NRG3: variants seen among roughly 807,000 people sequenced by gnomAD.
NRG3 encodes the protein neuregulin 3.
NRG3 carries 31 observed loss-of-function variants against 66.9 expected under a neutral mutation model. That is an observed-to-expected ratio of 0.46 (90% CI 0.35 to 0.63). NRG3 has a LOEUF of 0.63. Among genes scored for constraint, NRG3 ranks in the 20% least tolerant of loss-of-function variants. The pLI is 0.00. For missense variants in NRG3, 910 were observed against 878.9 expected, an observed-to-expected ratio of 1.04 and a Z score of -0.45; for synonymous variants, 393 against 359.4, an observed-to-expected ratio of 1.09 and a Z score of -1.06.
intron 1 of NRG3, among the ~76,000 whole-genome samples, chr10:82,159,391 G>T (rs367818602): frequency 6.6e-6 from 1 of 151,634 alleles, no homozygotes; most frequent in Non-Finnish European, 1.5e-5. Context: ...TGGTTTTCAA[G>T]TCTCTAAAAA....
At chr10:81,975,783 C>G (rs2060103420) in intron 1 of NRG3, among the ~76,000 whole-genome samples, 1 of 152,106 alleles carries the variant, frequency 6.6e-6, no homozygotes, top group African/African-American at 2.4e-5. Flanking sequence ...TATTTAAGGT[C>G]ACTAATCAGC....
At chr10:81,915,750 A>G (rs999634610) in intron 1 of NRG3, among the ~76,000 whole-genome samples, 2 of 152,096 alleles carry the variant, frequency 1.3e-5, no homozygotes, top group African/African-American at 4.8e-5. Flanking sequence ...CTCGATGAGA[A>G]TGCAGGTTTA....
chr10:82,968,182 G>A (rs1191207251), intron 6 of NRG3, among the ~76,000 whole-genome samples: 2 of 152,136 alleles, frequency 1.3e-5, no homozygotes, highest in Admixed American at 6.5e-5. Flanking sequence ...AACCACAGAA[G>A]CTATCTGAAT....
At chr10:82,594,714 T>G (rs1291284428) in intron 2 of NRG3, among the ~76,000 whole-genome samples, 1 of 152,148 alleles carries the variant, frequency 6.6e-6, no homozygotes, top group Admixed American at 6.5e-5. Context: ...TGTAGCCTCT[T>G]GCCTCTTTCT....
At chr10:82,385,007 A>G (rs1188358213) in intron 2 of NRG3, among the ~76,000 whole-genome samples, 1 of 152,210 alleles carries the variant, frequency 6.6e-6, no homozygotes, top group Admixed American at 6.5e-5. Context: ...TAATAAAACC[A>G]TTCTAACTGG....
At chr10:82,910,579 G>A (rs1453386556) in intron 4 of NRG3, among the ~76,000 whole-genome samples, 1 of 152,198 alleles carries the variant, frequency 6.6e-6, no homozygotes, top group Admixed American at 6.5e-5. Flanking sequence ...TTGTACCAGT[G>A]GCTTATGCTC....
chr10:82,023,138 C>T (rs1226940781), intron 1 of NRG3, among the ~76,000 whole-genome samples: 1 of 151,402 alleles, frequency 6.6e-6, no homozygotes, highest in Non-Finnish European at 1.5e-5. Flanking sequence ...AATGTGATTG[C>T]TCTCTTGATT....
At chr10:82,710,780 A>AAT (rs1471433923) in intron 2 of NRG3, among the ~76,000 whole-genome samples, 1 of 151,204 alleles carries the variant, frequency 6.6e-6, no homozygotes, top group Non-Finnish European at 1.5e-5. Flanking sequence ...TTTACCTGTT[A>AAT]ATGGCCTTTG....
chr10:82,282,999 C>G (rs1889896), intron 1 of NRG3, among the ~76,000 whole-genome samples: 5 of 151,756 alleles, frequency 3.3e-5, no homozygotes, highest in Non-Finnish European at 7.4e-5. Flanking sequence ...GGTTTCCAAA[C>G]GTTCACTAAT....
chr10:82,671,492 T>C (rs1014555012), intron 2 of NRG3, among the ~76,000 whole-genome samples: 3 of 152,198 alleles, frequency 2.0e-5, no homozygotes, highest in African/African-American at 7.2e-5. Flanking sequence ...ACTCTGAAGA[T>C]ATATGGAGCA....
intron 4 of NRG3, among the ~76,000 whole-genome samples, chr10:82,928,625 T>TAAA (rs4034738): frequency 4.1e-4 from 62 of 150,170 alleles, no homozygotes; most frequent in Admixed American, 1.8e-3. Flanking sequence ...TTTTTTTTTT[T>TAAA]AAAAGTAAAT....
intron 1 of NRG3, among the ~76,000 whole-genome samples, chr10:82,329,915 C>T (rs1206317788): frequency 1.3e-5 from 2 of 152,196 alleles, no homozygotes; most frequent in Non-Finnish European, 2.9e-5. Context: ...AGCTATGGAC[C>T]ATGGCTACCA....
chr10:82,000,368 T>C (rs561980323), intron 1 of NRG3, among the ~76,000 whole-genome samples: 39 of 152,332 alleles, frequency 2.6e-4, no homozygotes, highest in Middle Eastern at 3.4e-3. Context: ...TGCTTTTTTT[T>C]TTCCTTCTTG....
intron 1 of NRG3, among the ~76,000 whole-genome samples, chr10:82,155,665 A>G (rs2071135469): frequency 6.6e-6 from 1 of 151,856 alleles, no homozygotes; most frequent in Non-Finnish European, 1.5e-5. Context: ...AGACTTCAGT[A>G]GAGCAGCATT....
At chr10:82,310,776 T>G (rs1235855912) in intron 1 of NRG3, among the ~76,000 whole-genome samples, 1 of 152,140 alleles carries the variant, frequency 6.6e-6, no homozygotes, top group Non-Finnish European at 1.5e-5. Flanking sequence ...AATAAAAAAT[T>G]CAGTCTTGCT....
At chr10:81,988,596 G>T (rs1281936245) in intron 1 of NRG3, among the ~76,000 whole-genome samples, 1 of 152,058 alleles carries the variant, frequency 6.6e-6, no homozygotes, top group Non-Finnish European at 1.5e-5. Flanking sequence ...TGAGAGTCAG[G>T]GTGCCTAGAG....
At chr10:81,894,719 A>T (rs1027456893) in intron 1 of NRG3, among the ~76,000 whole-genome samples, 2 of 152,024 alleles carry the variant, frequency 1.3e-5, no homozygotes, top group African/African-American at 4.8e-5. Flanking sequence ...CCCCGCTGCT[A>T]CCCCACATCC....
chr10:82,109,237 C>G (rs2067234008), intron 1 of NRG3, among the ~76,000 whole-genome samples: 1 of 152,126 alleles, frequency 6.6e-6, no homozygotes, highest in African/African-American at 2.4e-5. Context: ...GCACAGGGCT[C>G]TTGGTCTTAG....
At chr10:82,877,299 G>GTAC (rs1841910619) in intron 4 of NRG3, among the ~76,000 whole-genome samples, 1 of 150,750 alleles carries the variant, frequency 6.6e-6, no homozygotes, top group Admixed American at 6.6e-5. Context: ...CTCAGGCCTT[G>GTAC]TACCAGGCCA....
Sources: allele counts gnomAD v4.1 joint callset (sites outside exome capture counted in the v4.1 genomes callset), GRCh38; gene constraint gnomAD v4.1.1; transcripts MANE v1.5; gene names NCBI Gene and HGNC (gene_info 2026-07-23, HGNC 2026-07-21).